Variants in PSMF1 observed in about 807,000 individuals in gnomAD.
PSMF1 encodes the protein proteasome inhibitor subunit 1, also known as proteasome inhibitor PI31 subunit.
PSMF1 carries 30 observed loss-of-function variants against 29.3 expected under a neutral mutation model. That is an observed-to-expected ratio of 1.02 (90% CI 0.77 to 1.39). The LOEUF (loss-of-function observed/expected upper bound fraction) is 1.39, where lower values mean the gene tolerates loss of function less well. Ranked by LOEUF, PSMF1 falls within the 40% of genes most tolerant of loss-of-function variation. The pLI is 0.00. For missense variants in PSMF1, 344 were observed against 357.5 expected (o/e 0.96, Z 0.31); for synonymous variants, 134 against 139.7 (o/e 0.96, Z 0.29).
chr20:1,144,782 A>G (rs1483827006), intron 4 of PSMF1, among the ~76,000 whole-genome samples: 2 of 152,204 alleles, frequency 1.3e-5, no homozygotes, highest in Non-Finnish European at 2.9e-5. Flanking sequence ...GCAGGGCTGT[A>G]GGTGTGGTTA....
intron 3 of PSMF1, among the ~76,000 whole-genome samples, chr20:1,128,795 G>C (rs1194862849): frequency 2.6e-5 from 4 of 152,056 alleles, no homozygotes; most frequent in Non-Finnish European, 4.4e-5. Context: ...CAGTGTGACT[G>C]TTCAAGCAAT....
chr20:1,130,019 C>G (rs769285519), intron 3 of PSMF1, among the ~76,000 whole-genome samples: 1 of 152,174 alleles, frequency 6.6e-6, no homozygotes, highest in South Asian at 2.1e-4. Flanking sequence ...CTGGCCCGTG[C>G]TACAACATGG....
intron 4 of PSMF1, 109 bp downstream of exon 4, chr20:1,135,415 A>T: frequency 8.3e-7 from 1 of 1,199,956 alleles, no homozygotes; most frequent in Admixed American, 2.7e-5. Context: ...TGTTTTCAAC[A>T]AAATGATCAG....
intron 1 of PSMF1, chr20:1,113,439 A>T (rs1171889609): frequency 1.2e-5 from 1 of 85,402 alleles, no homozygotes; most frequent in African/African-American, 4.2e-5. Context: ...TGGATGGATC[A>T]GGGGCAACAC....
Position 1,165,837 on chromosome 20 carries a change from A to G in PSMF1, c.*757A>G, listed in dbSNP as rs549753715. The G allele has an allele frequency of 3.7e-6, 4 of 1,092,044 alleles. No individual in the cohort carries two copies. Among genetic ancestry groups the G allele is most frequent in the South Asian group, 6.3e-5 (2 of 31,504 alleles). The allele number at this position is 1,092,044 out of a possible 1,614,324, so 67.6% of individuals were successfully genotyped here. Reference sequence around the variant, plus strand: ...CAGCAGTAGTCAAAAAGCCAAGGAAAAAACAGAGCAGACCTGAAGGCTAAT... The same window carrying G: ...CAGCAGTAGTCAAAAAGCCAAGGAAGAAACAGAGCAGACCTGAAGGCTAAT... On this transcript the variant is annotated 3_prime_UTR_variant, in exon 7 of 7. Transcript: ENST00000335877.
intron 1 of PSMF1, 41 bp from the exon 2 acceptor site, chr20:1,125,457 T>C (rs2086142016): frequency 1.3e-6 from 2 of 1,555,780 alleles, no homozygotes; most frequent in African/African-American, 1.4e-5. Context: ...TTCTGTGTTT[T>C]GAGTTCATGA....
chr20:1,161,868 T>G (rs1182315972), intron 4 of PSMF1, among the ~76,000 whole-genome samples: 1 of 152,242 alleles, frequency 6.6e-6, no homozygotes, highest in Non-Finnish European at 1.5e-5. Flanking sequence ...ATTGTAGAAC[T>G]TGTTGCTGAT....
chr20:1,135,070 C>T, intron 3 of PSMF1, 51 bp from the exon 4 acceptor site: 3 of 1,595,426 alleles, frequency 1.9e-6, no homozygotes, highest in Admixed American at 1.7e-5. Context: ...ATACCACTTC[C>T]AGGGTTCCTA....
In PSMF1 at chr20:1,164,431, G is replaced by C. The variant is rs772834123; in HGVS notation, c.719G>C (p.Gly240Ala). 3 of 1,614,128 alleles carry C rather than the reference G, an allele frequency of 1.9e-6. No homozygotes were observed. In the Admixed American group the frequency reaches 5.0e-5, roughly 27 times the overall value. ...NRLPPGAVPPGARFDPFGPIG... is the reference protein window; with the variant it reads ...NRLPPGAVPPAARFDPFGPIG... Reference sequence around the variant, plus strand: ...CTTCCTCCAGGCGCTGTGCCCCCAGGAGCTCGCTTTGACCCCTTTGGACCC... The same window carrying C: ...CTTCCTCCAGGCGCTGTGCCCCCAGCAGCTCGCTTTGACCCCTTTGGACCC... The change falls in exon 6 of 7, where the codon GGA (glycine) becomes GCA (alanine). Residue 240 changes from glycine (G) to alanine (A), a missense_variant. Physicochemically the swap from Gly to Ala is moderately conservative, Grantham distance 60 (BLOSUM62 0). Coordinates refer to ENST00000335877, the MANE Select transcript of PSMF1 (RefSeq NM_006814.5). This position sits in a 1 kb window ranked among gnomAD's most constrained non-coding sequence, Gnocchi z 4.1.
At chr20:1,152,330 G>A (rs1055571064) in intron 4 of PSMF1, among the ~76,000 whole-genome samples, 1 of 152,228 alleles carries the variant, frequency 6.6e-6, no homozygotes, top group Non-Finnish European at 1.5e-5. Flanking sequence ...GCAGGATTCA[G>A]CCCTTAGTAT....
chr20:1,166,492 C>T lies in PSMF1; in HGVS notation c.*1412C>T. The T allele has an allele frequency of 1.7e-6, 1 of 571,686 alleles. No homozygotes were observed. Among genetic ancestry groups the T allele is most frequent in the Admixed American group, 2.9e-5 (1 of 34,222 alleles). The allele number at this position is 571,686 out of a possible 1,614,324, so 35.4% of individuals were successfully genotyped here. On this transcript the variant is annotated 3_prime_UTR_variant, in exon 7 of 7. Transcript: ENST00000335877. The stretch of plus-strand genomic sequence containing the variant: ...GCTGTTTTCTGTAGCCTCAGATTGC[C>T]TATCTGCTTAGCCTGAGAACAGGTA...
intron 4 of PSMF1, among the ~76,000 whole-genome samples, chr20:1,143,443 ATGACCCT>A (rs992005389): frequency 1.4e-4 from 22 of 152,340 alleles, no homozygotes; most frequent in Admixed American, 1.2e-3. Context: ...AAGCAAAAAT[ATGACCCT>A]TGACCTTAAC....
chr20:1,117,524 A>G (rs370020506), upstream of PSMF1, among the ~76,000 whole-genome samples: 29 of 152,132 alleles, frequency 1.9e-4, 1 homozygote, highest in South Asian at 5.8e-3. Flanking sequence ...TTGTATTTTT[A>G]GTAGAGACAG....
At chr20:1,122,491 G>T (rs1250355458) in intron 1 of PSMF1, among the ~76,000 whole-genome samples, 1 of 151,790 alleles carries the variant, frequency 6.6e-6, no homozygotes, top group South Asian at 2.1e-4. Flanking sequence ...GTAGAGACAG[G>T]GTTTCACCAT....
chr20:1,127,178 T>C (rs2086168709), intron 2 of PSMF1: 3 of 659,312 alleles, frequency 4.6e-6, no homozygotes, highest in South Asian at 3.3e-5. Flanking sequence ...TCAATTACCA[T>C]GCCTGAGCCC....
chr20:1,122,412 C>G (rs1451891976), intron 1 of PSMF1, among the ~76,000 whole-genome samples: 1 of 151,610 alleles, frequency 6.6e-6, no homozygotes, highest in African/African-American at 2.4e-5. Flanking sequence ...CAATTCTGCC[C>G]CAGCATCCTC....
intron 2 of PSMF1, 161 bp from the exon 3 acceptor site, chr20:1,127,265 C>A (rs765302837): frequency 1.3e-6 from 1 of 775,548 alleles, no homozygotes; most frequent in Non-Finnish European, 2.3e-6. Context: ...AGAGAAGTCT[C>A]CAAGCCTTAG....
chr20:1,124,906 G>A (rs1352375051), intron 1 of PSMF1, among the ~76,000 whole-genome samples: 1 of 152,228 alleles, frequency 6.6e-6, no homozygotes, highest in African/African-American at 2.4e-5. Flanking sequence ...CCCTTGAAGG[G>A]GAAGGAGGGA....
At chr20:1,128,596 G>A (rs1384916082) in intron 3 of PSMF1, among the ~76,000 whole-genome samples, 1 of 152,162 alleles carries the variant, frequency 6.6e-6, no homozygotes, top group Admixed American at 6.5e-5. Context: ...AAGGTACTTA[G>A]ATTAGTGCTT....
Sources: gnomAD v4.1 joint callset for allele counts (sites outside exome capture counted in the v4.1 genomes callset) on GRCh38, gnomAD v4.1.1 for gene constraint, Gnocchi (gnomAD v3.1) non-coding constraint, MANE v1.5 for transcripts, NCBI Gene and HGNC (gene_info 2026-07-23, HGNC 2026-07-21) for gene names.